GPD1L: variants seen among roughly 807,000 people sequenced by gnomAD.
GPD1L encodes glycerol-3-phosphate dehydrogenase 1 like.
Under a neutral mutation model 32.9 loss-of-function variants are expected in GPD1L, and 17 were observed. That is an observed-to-expected ratio of 0.52 (90% CI 0.35 to 0.78). The LOEUF (loss-of-function observed/expected upper bound fraction) is 0.78. Ranked by LOEUF, GPD1L falls within the 30% of genes least tolerant of loss-of-function variation. The probability of loss-of-function intolerance (pLI) is 0.01; values close to 1 mark genes in which losing one functional copy is unlikely to be tolerated. For synonymous variants in GPD1L, 187 were observed against 165.9 expected (o/e 1.13, Z -0.98); for missense variants, 361 against 447.8 (o/e 0.81, Z 1.75).
At chr3:32,156,242 G>A (rs1434065723) in intron 5 of GPD1L, among the ~76,000 whole-genome samples, 4 of 152,194 alleles carry the variant, frequency 2.6e-5, no homozygotes, top group Admixed American at 1.3e-4. Flanking sequence ...CCTATAGTTC[G>A]CATAGCCTGT....
intron 1 of GPD1L, among the ~76,000 whole-genome samples, chr3:32,120,569 G>A (rs895938956): frequency 6.6e-6 from 1 of 152,122 alleles, no homozygotes; most frequent in Non-Finnish European, 1.5e-5. Flanking sequence ...TTGGACTGAC[G>A]CTATCTGGTG....
intron 4 of GPD1L, among the ~76,000 whole-genome samples, chr3:32,144,691 T>C (rs1250368306): frequency 6.6e-6 from 1 of 151,864 alleles, no homozygotes; most frequent in African/African-American, 2.4e-5. Context: ...TTGTTGTTGT[T>C]GTTGTTGTTT....
chr3:32,125,160 C>G (rs1033637576), intron 1 of GPD1L, among the ~76,000 whole-genome samples: 4 of 152,164 alleles, frequency 2.6e-5, no homozygotes, highest in African/African-American at 9.7e-5. Context: ...ACTACCGCAG[C>G]CCCCAATCCC....
chr3:32,154,685 T>C (rs1700963097), intron 5 of GPD1L, among the ~76,000 whole-genome samples: 1 of 152,154 alleles, frequency 6.6e-6, no homozygotes, highest in East Asian at 1.9e-4. Context: ...TAATAATATA[T>C]GAAGCTCTTA....
At chr3:32,150,433 C>A (rs1238648619) in intron 5 of GPD1L, among the ~76,000 whole-genome samples, 2 of 151,836 alleles carry the variant, frequency 1.3e-5, no homozygotes, top group African/African-American at 2.4e-5. Flanking sequence ...TGCACCACAG[C>A]GCCTGATTTA....
In GPD1L at chr3:32,159,097, C is replaced by T; in HGVS notation, c.840C>T (p.Ala280=). The T allele has an allele frequency of 1.2e-6, 2 of 1,613,238 alleles. No homozygotes were observed. The highest frequency in any genetic ancestry group is 2.7e-5 in the African/African-American group (2 of 75,036). The change falls in exon 6 of 8, where the codon GCC becomes GCT. Residue 280 remains alanine, a synonymous_variant. Transcript: ENST00000282541. ...ACCGCAGGGTGGCCGAGGCCTTCGC[C>T]AGAACTGGGAAGGTAGCCCCTCACC... ...GRNRRVAEAF[A]RTGKTIEELE...
intron 5 of GPD1L, among the ~76,000 whole-genome samples, chr3:32,153,324 A>G (rs748128349): frequency 2.0e-5 from 3 of 152,226 alleles, no homozygotes; most frequent in Non-Finnish European, 4.4e-5. Context: ...TTTACATTCA[A>G]ATTAATTAAA....
At chr3:32,119,168 T>C (rs1700373154) in intron 1 of GPD1L, among the ~76,000 whole-genome samples, 1 of 152,234 alleles carries the variant, frequency 6.6e-6, no homozygotes, top group African/African-American at 2.4e-5. Flanking sequence ...TAGTTCTATT[T>C]TTAATTCTTT....
chr3:32,143,024 A>T (rs1057085973), intron 4 of GPD1L, among the ~76,000 whole-genome samples: 18 of 150,678 alleles, frequency 1.2e-4, no homozygotes, highest in Non-Finnish European at 2.2e-4. Flanking sequence ...AGAAAAAAAA[A>T]AATTTTTTAA....
At chr3:32,129,444 C>T (rs1402910475) in intron 2 of GPD1L, among the ~76,000 whole-genome samples, 1 of 152,214 alleles carries the variant, frequency 6.6e-6, no homozygotes, top group Non-Finnish European at 1.5e-5. Flanking sequence ...TACATTTAGT[C>T]TCATTTAATC....
At chr3:32,139,011 C>T (rs1024258529) in intron 3 of GPD1L, among the ~76,000 whole-genome samples, 1 of 152,108 alleles carries the variant, frequency 6.6e-6, no homozygotes. Context: ...CTGGAAAGCA[C>T]CAGCAGTTTG....
intron 5 of GPD1L, chr3:32,158,377 G>T: frequency 5.3e-6 from 1 of 189,726 alleles, no homozygotes; most frequent in Non-Finnish European, 1.1e-5. Flanking sequence ...TGGTGGTGGA[G>T]GTGGGCTGGA....
Position 32,140,111 on chromosome 3 carries a change from CT to C in GPD1L, c.367-113del. 9 of 998,574 alleles carry C rather than the reference CT, an allele frequency of 9.0e-6. No individual in the cohort carries two copies. The South Asian group carries it at 1.2e-4, about 13-fold the overall frequency. 61.9% of individuals were successfully genotyped at this position (998,574 alleles called of 1,614,324 possible). A position where few individuals can be genotyped will look rare whatever the true frequency, so the allele number is the denominator to read the frequency against. On this transcript the variant is annotated intron_variant, in intron 3 of 7. Coordinates refer to ENST00000282541, the MANE Select transcript of GPD1L (RefSeq NM_015141.4). ...AAGCTGTACATAGGCAGTATAGATG[CT>C]TTTACTCTTGTAAGTAGGAGACATT... is the stretch of plus-strand genomic sequence containing the variant.
chr3:32,161,759 C>T, intron 7 of GPD1L, among the ~76,000 whole-genome samples: 1 of 152,208 alleles, frequency 6.6e-6, no homozygotes, highest in East Asian at 1.9e-4. Flanking sequence ...TCTCCTTGGT[C>T]ATGTCCCATT....
chr3:32,139,394 C>A (rs907164961), intron 3 of GPD1L, among the ~76,000 whole-genome samples: 3 of 152,128 alleles, frequency 2.0e-5, no homozygotes, highest in Non-Finnish European at 2.9e-5. Context: ...TTAGACCTGC[C>A]ATGATATCTT....
At chr3:32,141,502 C>G (rs543918631) in intron 4 of GPD1L, among the ~76,000 whole-genome samples, 1 of 152,244 alleles carries the variant, frequency 6.6e-6, no homozygotes, top group South Asian at 2.1e-4. Context: ...TACTGTACAT[C>G]CTCATAACTG....
chr3:32,153,907 G>A (rs563607560), intron 5 of GPD1L, among the ~76,000 whole-genome samples: 154 of 152,252 alleles, frequency 1.0e-3, no homozygotes, highest in Non-Finnish European at 1.1e-3. Flanking sequence ...TGAGTATTCC[G>A]TCACTCAGGA....
In GPD1L at chr3:32,159,610, C is replaced by A; in HGVS notation, c.895C>A (p.Leu299Ile). 2 of 1,612,862 alleles carry A rather than the reference C, an allele frequency of 1.2e-6. No homozygotes were observed. The highest frequency in any genetic ancestry group is 1.7e-6 in the Non-Finnish European group (2 of 1,179,186). Residue 299 changes from leucine (L) to isoleucine (I), a missense_variant, in exon 7 of 8, where the codon CTC becomes ATC. Leu to Ile is a conservative substitution (Grantham distance 5). Transcript: ENST00000282541. ...LEKEMLNGQK[L>I]QGPQTSAEVY... The stretch of plus-strand genomic sequence containing the variant: ...GAAGGAGATGCTGAATGGGCAAAAG[C>A]TCCAAGGACCGCAGACTTCTGCTGA...
intron 2 of GPD1L, among the ~76,000 whole-genome samples, chr3:32,136,581 A>G (rs116708323): frequency 8.9e-4 from 135 of 152,322 alleles, no homozygotes; most frequent in African/African-American, 3.0e-3. Context: ...AACTTCAGAT[A>G]CATTTTCTTT....
Sources: gnomAD v4.1 joint callset for allele counts (sites outside exome capture counted in the v4.1 genomes callset) on GRCh38, gnomAD v4.1.1 for gene constraint, MANE v1.5 for transcripts, NCBI Gene and HGNC (gene_info 2026-07-23, HGNC 2026-07-21) for gene names.